FOXP2: variants seen among roughly 807,000 people sequenced by gnomAD.
FOXP2 encodes forkhead box protein P2.
FOXP2 carries 12 observed loss-of-function variants against 115.8 expected under a neutral mutation model. That is an observed-to-expected ratio of 0.10 (90% confidence interval 0.07 to 0.17). The LOEUF is 0.17. Ranked by LOEUF, FOXP2 falls within the 10% of genes least tolerant of loss-of-function variation. The pLI is 1.00. For missense variants in FOXP2, 629 were observed against 843.5 expected, an observed-to-expected ratio of 0.75 and a Z score of 3.15; for synonymous variants, 328 against 297.7, an observed-to-expected ratio of 1.10 and a Z score of -1.05.
chr7:114,503,412 A>G (rs934158059), intron 2 of FOXP2, among the ~76,000 whole-genome samples: 5 of 151,762 alleles, frequency 3.3e-5, no homozygotes, highest in African/African-American at 1.2e-4. Context: ...TGGCTAAACC[A>G]CACTAATGGC....
At chr7:114,662,272 A>T in intron 14 of FOXP2, 86 bp downstream of exon 14, 2 of 1,566,908 alleles carry the variant, frequency 1.3e-6, no homozygotes, top group Admixed American at 1.7e-5. Flanking sequence ...GTGGGGAGAC[A>T]GTTAGCTTAA....
At chr7:114,547,951 CTCTGTTTAGGATTATAGATTTT>C (rs1800014174) in intron 3 of FOXP2, among the ~76,000 whole-genome samples, 2 of 152,114 alleles carry the variant, frequency 1.3e-5, no homozygotes, top group Non-Finnish European at 2.9e-5. Context: ...TTATTAGCTA[CTCTGTTTAGGATTATAGATTTT>C]ATCTTTGTCA....
At chr7:114,584,954 G>T (rs140490806) in intron 3 of FOXP2, among the ~76,000 whole-genome samples, 1 of 152,240 alleles carries the variant, frequency 6.6e-6, no homozygotes, top group African/African-American at 2.4e-5. Flanking sequence ...ACTTTAAAAA[G>T]CAATCTCTTT....
chr7:114,496,165 CTTA>C (rs1797312280), intron 2 of FOXP2, among the ~76,000 whole-genome samples: 1 of 151,862 alleles, frequency 6.6e-6, no homozygotes, highest in Non-Finnish European at 1.5e-5. Context: ...TGACTGTGTC[CTTA>C]TTAATAGCTA....
At chr7:114,353,334 CTTT>C (rs138925770) in intron 2 of FOXP2, among the ~76,000 whole-genome samples, 16,958 of 61,856 alleles carry the variant, frequency 0.27, 1,098 homozygotes, top group East Asian at 0.34. Flanking sequence ...ATAGGAGCCT[CTTT>C]TTTTTTTTTT....
intron 1 of FOXP2, among the ~76,000 whole-genome samples, chr7:114,145,730 G>T (rs1170099999): frequency 6.6e-6 from 1 of 151,992 alleles, no homozygotes; most frequent in Non-Finnish European, 1.5e-5. Flanking sequence ...TACAGAATGG[G>T]TAATAACTGC....
chr7:114,150,324 T>C (rs893674089), intron 1 of FOXP2, among the ~76,000 whole-genome samples: 15 of 152,050 alleles, frequency 9.9e-5, no homozygotes, highest in Non-Finnish European at 2.1e-4. Context: ...TGTGTTGTCA[T>C]TAAAAAGTTT....
intron 1 of FOXP2, among the ~76,000 whole-genome samples, chr7:114,256,051 G>T (rs1248573050): frequency 6.6e-6 from 1 of 152,080 alleles, no homozygotes; most frequent in African/African-American, 2.4e-5. Context: ...TCAACAGCAG[G>T]CTCTTGTTTC....
intron 2 of FOXP2, among the ~76,000 whole-genome samples, chr7:114,342,710 A>C (rs1241544316): frequency 6.6e-6 from 1 of 151,496 alleles, no homozygotes; most frequent in Non-Finnish European, 1.5e-5. Flanking sequence ...TTGTCCTTTC[A>C]ACAGTCTTCT....
chr7:114,582,774 A>G (rs1299549574), intron 3 of FOXP2, among the ~76,000 whole-genome samples: 1 of 152,194 alleles, frequency 6.6e-6, no homozygotes, highest in Non-Finnish European at 1.5e-5. Flanking sequence ...AGATCATGTA[A>G]CAGGAGAGAA....
chr7:114,255,459 G>A (rs576931113), intron 1 of FOXP2, among the ~76,000 whole-genome samples: 26 of 152,314 alleles, frequency 1.7e-4, no homozygotes, highest in Middle Eastern at 3.4e-3. Context: ...CTTCTGGGCT[G>A]CTTCGTTTAC....
chr7:114,318,105 A>T (rs575295060), intron 2 of FOXP2, among the ~76,000 whole-genome samples: 3 of 152,310 alleles, frequency 2.0e-5, no homozygotes, highest in South Asian at 2.1e-4. Flanking sequence ...CTCATTTCTC[A>T]TTAGAAAAAA....
rs573035534 is a variant in FOXP2 at position 114,670,569 on chromosome 7, C to T, written c.2003+6133C>T. Among the ~76,000 whole-genome samples the T allele has an allele frequency of 5.9e-5, 9 of 152,066 alleles. No homozygotes were observed. In the South Asian group the frequency reaches 1.2e-3, roughly 21 times the overall value. On this transcript the variant is annotated intron_variant, in intron 16 of 16. Coordinates refer to ENST00000350908, the MANE Select transcript of FOXP2 (RefSeq NM_014491.4). Reference sequence around the variant, plus strand: ...GCCCCATAGATAGCTAAAAGGTGCTCCTAGACCCCCACTGGATTAAACAGT... The same window carrying T: ...GCCCCATAGATAGCTAAAAGGTGCTTCTAGACCCCCACTGGATTAAACAGT...
intron 1 of FOXP2, among the ~76,000 whole-genome samples, chr7:114,108,791 G>A (rs922358866): frequency 6.6e-6 from 1 of 151,762 alleles, no homozygotes; most frequent in African/African-American, 2.4e-5. Flanking sequence ...GCTTTATTCA[G>A]AAATTATTTT....
chr7:114,526,041 G>T (rs537293864), intron 2 of FOXP2, among the ~76,000 whole-genome samples: 1 of 151,908 alleles, frequency 6.6e-6, no homozygotes, highest in Non-Finnish European at 1.5e-5. Context: ...GAACCTGGGA[G>T]GCAGAGGTTG....
chr7:114,427,541 GT>G (rs1793914279), intron 2 of FOXP2, among the ~76,000 whole-genome samples: 1 of 151,472 alleles, frequency 6.6e-6, no homozygotes, highest in Admixed American at 6.6e-5. Context: ...TGTTTGAAAA[GT>G]TTATATTTGT....
intron 1 of FOXP2, among the ~76,000 whole-genome samples, chr7:114,237,748 C>G (rs1026653133): frequency 6.6e-6 from 1 of 151,836 alleles, no homozygotes; most frequent in South Asian, 2.1e-4. Flanking sequence ...CTGAGGCAAG[C>G]GGATTACTTG....
At chr7:114,331,234 A>G (rs529761836) in intron 2 of FOXP2, among the ~76,000 whole-genome samples, 4 of 152,342 alleles carry the variant, frequency 2.6e-5, no homozygotes, top group African/African-American at 7.2e-5. Context: ...ATTTAGTTTT[A>G]TAATTAATAC....
At chr7:114,135,292 A>AT (rs935542791) in intron 1 of FOXP2, among the ~76,000 whole-genome samples, 6 of 152,174 alleles carry the variant, frequency 3.9e-5, no homozygotes, top group South Asian at 4.1e-4. Flanking sequence ...TTTTAGTGCC[A>AT]TTTTTTTCAA....
Sources: allele counts gnomAD v4.1 joint callset (sites outside exome capture counted in the v4.1 genomes callset), GRCh38; gene constraint gnomAD v4.1.1; transcripts MANE v1.5; gene names NCBI Gene and HGNC (gene_info 2026-07-23, HGNC 2026-07-21).